CHD5: variants seen among roughly 807,000 people sequenced by gnomAD.
CHD5 encodes chromodomain helicase DNA binding protein 5, also known as ATP-dependent chromatin remodeler CHD5.
Under a neutral mutation model 230.3 loss-of-function variants are expected in CHD5, and 69 were observed. The ratio of observed to expected loss-of-function variants is 0.30; its 90% confidence interval spans 0.25 to 0.37. CHD5 has a LOEUF of 0.37. Ranked by LOEUF, CHD5 falls within the 10% of genes least tolerant of loss-of-function variation. The probability of loss-of-function intolerance (pLI) is 1.00; values close to 1 mark genes in which losing one functional copy is unlikely to be tolerated. For synonymous variants in CHD5, 1,064 were observed against 1,065.9 expected, an observed-to-expected ratio of 1.00 and a Z score of 0.03; for missense variants, 1,827 against 2,622.8, an observed-to-expected ratio of 0.70 and a Z score of 6.63.
At chr1:6,133,993 C>T (rs1448344005) in intron 20 of CHD5, 135 bp downstream of exon 20, 1 of 820,418 alleles carries the variant, frequency 1.2e-6, no homozygotes, top group South Asian at 1.7e-5. Flanking sequence ...TGACCCCTGA[C>T]ACACAGTCAC....
In CHD5 at chr1:6,105,933, A is replaced by G. The variant is rs1242824685; in HGVS notation, c.*46+301T>C. Among the ~76,000 whole-genome samples the G allele has an allele frequency of 6.6e-6, 1 of 152,082 alleles. No homozygotes were observed. Among genetic ancestry groups the G allele is most frequent in the Non-Finnish European group, 1.5e-5 (1 of 67,994 alleles). ...GCAGTCTCTGACTTCCGCTGGGAAC[A>G]TGTGTGCAAATGAGAACACATGTGC... On this transcript the variant is annotated intron_variant, in intron 41 of 41. Coordinates refer to ENST00000262450, the MANE Select transcript of CHD5 (RefSeq NM_015557.3). The surrounding 1 kb of genome is among the most constrained non-coding windows in gnomAD (Gnocchi z 4.8).
intron 5 of CHD5, among the ~76,000 whole-genome samples, chr1:6,152,770 T>C (rs1006906305): frequency 6.6e-6 from 1 of 152,230 alleles, no homozygotes; most frequent in Non-Finnish European, 1.5e-5. Context: ...ACCGCCTTGC[T>C]GCCCCTTGTC....
intron 2 of CHD5, among the ~76,000 whole-genome samples, chr1:6,165,845 T>G (rs1363294904): frequency 6.6e-6 from 1 of 151,996 alleles, no homozygotes; most frequent in Non-Finnish European, 1.5e-5. Flanking sequence ...CCGCTTCCCC[T>G]GTCCTATCTC....
intron 7 of CHD5, among the ~76,000 whole-genome samples, chr1:6,150,020 GAT>G (rs1666977355): frequency 6.6e-6 from 1 of 151,040 alleles, no homozygotes; most frequent in Non-Finnish European, 1.5e-5. Flanking sequence ...TGGATGGATG[GAT>G]GGATGGATGG....
rs1193324716 is a variant in CHD5, at chr1:6,121,584, A to G, written c.4700-11T>C. 6.2e-7 allele frequency: 1 copy of G among 1,607,762 alleles called. No homozygotes were observed. The highest frequency in any genetic ancestry group is 2.2e-5 in the East Asian group (1 of 44,810). ...GGGCTTCCATTTTGTCTGAAAGATCAAGGGAAAGAGCTGAGACAGGTGGGC... is the reference window on the plus strand; with the variant it reads ...GGGCTTCCATTTTGTCTGAAAGATCGAGGGAAAGAGCTGAGACAGGTGGGC... On this transcript the variant is annotated splice_polypyrimidine_tract_variant and intron_variant, in intron 31 of 41. Transcript: ENST00000262450. This position sits in a 1 kb window ranked among gnomAD's most constrained non-coding sequence, Gnocchi z 4.5.
intron 37 of CHD5, 95 bp from the exon 38 acceptor site, chr1:6,110,085 G>T: frequency 8.5e-7 from 1 of 1,183,136 alleles, no homozygotes; most frequent in Non-Finnish European, 1.2e-6. Context: ...GCTCCCGGCA[G>T]AAAGGAGGGA....
intron 1 of CHD5, 56 bp downstream of exon 1, chr1:6,179,889 G>T (rs1185210043): frequency 1.9e-6 from 2 of 1,038,764 alleles, no homozygotes; most frequent in Admixed American, 3.5e-5. Context: ...CCCTGGGCCC[G>T]GCCCGTCTCG....
intron 33 of CHD5, among the ~76,000 whole-genome samples, chr1:6,120,228 C>A (rs1314873367): frequency 6.6e-6 from 1 of 152,118 alleles, no homozygotes; most frequent in Non-Finnish European, 1.5e-5. Flanking sequence ...AGCACACATA[C>A]ATCATTTACA....
chr1:6,176,795 G>A (rs1238767146), intron 1 of CHD5, among the ~76,000 whole-genome samples: 2 of 152,214 alleles, frequency 1.3e-5, no homozygotes, highest in Non-Finnish European at 2.9e-5. Flanking sequence ...GGAGAGGGCT[G>A]CCTGGCTTGT....
chr1:6,142,320 G>A lies in CHD5; in HGVS notation c.2244C>T (p.Ser748=). ...GCGCGCTAACCAGGTAGGGCCCTTTGGAGTGGCCCTGGAGAGAGAGGCCGA... is the reference window on the plus strand; with the variant it reads ...GCGCGCTAACCAGGTAGGGCCCTTTAGAGTGGCCCTGGAGAGAGAGGCCGA... The part of the protein sequence containing the change: ...FLYSLYKEGH[S]KGPYLVSAPL... Residue 748 remains serine (S), a synonymous_variant, in exon 15 of 42, where the codon TCC becomes TCT. Coordinates refer to ENST00000262450, the MANE Select transcript of CHD5 (RefSeq NM_015557.3). This position sits in a 1 kb window ranked among gnomAD's most constrained non-coding sequence, Gnocchi z 5.2. 6.2e-7 allele frequency: 1 copy of A among 1,607,608 alleles called. No individual in the cohort carries two copies. Among genetic ancestry groups the A allele is most frequent in the Non-Finnish European group, 8.5e-7 (1 of 1,174,484 alleles).
At position 6,143,829 on chromosome 1, in the gene CHD5, A is replaced by G. The variant is rs1176317652; in HGVS notation, c.2037T>C (p.Ile679=). Reference sequence around the variant, plus strand: ...CCCCACCCTCCCCACTCACGTCCACAATGGGCGTGTCCGGCGGCTTCTCCT... The same window carrying G: ...CCCCACCCTCCCCACTCACGTCCACGATGGGCGTGTCCGGCGGCTTCTCCT... ...DKQEKPPDTP[I]VDPTVKFDKQ... The change falls in exon 13 of 42, where the codon ATT becomes ATC. Residue 679 remains isoleucine (I), a synonymous_variant. Coordinates refer to ENST00000262450, the MANE Select transcript of CHD5 (RefSeq NM_015557.3). 1.9e-6 allele frequency: 3 copies of G among 1,596,194 alleles called. No individual in the cohort carries two copies. The highest frequency in any genetic ancestry group is 1.1e-5 in the South Asian group (1 of 90,738).
At chr1:6,139,018 G>C (rs563681709) in intron 15 of CHD5, among the ~76,000 whole-genome samples, 4 of 152,324 alleles carry the variant, frequency 2.6e-5, no homozygotes, top group Non-Finnish European at 4.4e-5. Context: ...CAAAAAGATA[G>C]ATGTTTCCCG....
At chr1:6,168,101 C>A in intron 2 of CHD5, 49 bp downstream of exon 2, 1 of 1,562,586 alleles carries the variant, frequency 6.4e-7, no homozygotes, top group Non-Finnish European at 8.7e-7. Context: ...GCAGATGCAG[C>A]CACAACCCCA....
intron 13 of CHD5, among the ~76,000 whole-genome samples, chr1:6,143,181 T>C (rs1196816960): frequency 6.6e-6 from 1 of 152,088 alleles, no homozygotes; most frequent in Non-Finnish European, 1.5e-5. Flanking sequence ...GCCTCCCTAG[T>C]AGCTGGGACC....
intron 13 of CHD5, among the ~76,000 whole-genome samples, chr1:6,143,539 A>G (rs1055614712): frequency 6.6e-6 from 1 of 152,150 alleles, no homozygotes; most frequent in African/African-American, 2.4e-5. Context: ...TCGTCTCCTC[A>G]GGGCCAACCC....
intron 3 of CHD5, among the ~76,000 whole-genome samples, chr1:6,157,397 G>C (rs1667096028): frequency 6.6e-6 from 1 of 152,242 alleles, no homozygotes. Flanking sequence ...GCCCAACACT[G>C]CCACAGCAGA....
In CHD5 at chr1:6,180,203, C is replaced by G. The variant is rs1667494171; in HGVS notation, c.-180G>C. On this transcript the variant is annotated 5_prime_UTR_variant, in exon 1 of 42. Transcript: ENST00000262450. ...CACCCCCCCGTCTCGACCCCCCTTT[C>G]TCTCGGCCGCCTTAGCCTGCTCCCC... 5.9e-6 allele frequency: 1 copy of G among 170,914 alleles called. No individual in the cohort carries two copies. Among genetic ancestry groups the G allele is most frequent in the Non-Finnish European group, 1.2e-5 (1 of 86,372 alleles). 10.6% of individuals were successfully genotyped at this position (170,914 alleles called of 1,614,324 possible).
chr1:6,108,778 T>C (rs1031304878), intron 38 of CHD5, among the ~76,000 whole-genome samples: 1 of 137,042 alleles, frequency 7.3e-6, no homozygotes, highest in South Asian at 2.3e-4. Flanking sequence ...GGAAGAATTA[T>C]GGAGGGATGG....
chr1:6,119,727 GTACA>G (rs1207973921), intron 33 of CHD5, among the ~76,000 whole-genome samples: 1 of 149,474 alleles, frequency 6.7e-6, no homozygotes, highest in African/African-American at 2.5e-5. Context: ...GTATATATAC[GTACA>G]TATATAGGTA....
Sources: gnomAD v4.1 joint callset for allele counts (sites outside exome capture counted in the v4.1 genomes callset) on GRCh38, gnomAD v4.1.1 for gene constraint, Gnocchi (gnomAD v3.1) non-coding constraint, MANE v1.5 for transcripts, NCBI Gene and HGNC (gene_info 2026-07-23, HGNC 2026-07-21) for gene names.